The following UNC5D variants were observed in gnomAD, a reference collection of about 807,000 sequenced individuals.
The protein encoded by UNC5D is unc-5 netrin receptor D, also known as netrin receptor UNC5D.
Under a neutral mutation model 105.4 loss-of-function variants are expected in UNC5D, and 39 were observed. The ratio of observed to expected loss-of-function variants is 0.37; its 90% CI spans 0.29 to 0.48. The LOEUF is 0.48. Ranked by LOEUF, UNC5D falls within the 20% of genes least tolerant of loss-of-function variation. The pLI, the probability that UNC5D is intolerant of heterozygous loss-of-function variation, is 0.98. For synonymous variants in UNC5D, 452 were observed against 450.4 expected (o/e 1.00, Z -0.04); for missense variants, 991 against 1,202.4 (o/e 0.82, Z 2.60).
chr8:35,673,014 T>TTCTG (rs1824929815), intron 4 of UNC5D, among the ~76,000 whole-genome samples: 2 of 152,186 alleles, frequency 1.3e-5, no homozygotes, highest in South Asian at 4.1e-4. Context: ...GTGAGTGTGA[T>TTCTG]TCTGTCTGTG....
At chr8:35,267,947 C>A (rs1057340284) in intron 1 of UNC5D, among the ~76,000 whole-genome samples, 2 of 152,112 alleles carry the variant, frequency 1.3e-5, no homozygotes, top group African/African-American at 4.8e-5. Flanking sequence ...AAAACTACAT[C>A]TGATGTTTCT....
chr8:35,551,431 G>A (rs2978405), intron 2 of UNC5D, among the ~76,000 whole-genome samples: 12,757 of 152,210 alleles, frequency 0.084, 761 homozygotes, highest in Non-Finnish European at 0.12. Context: ...AGTTGTTAGA[G>A]AGGAAGGGTC....
intron 3 of UNC5D, among the ~76,000 whole-genome samples, chr8:35,591,670 C>T (rs1586199689): frequency 6.6e-6 from 1 of 152,084 alleles, no homozygotes; most frequent in Non-Finnish European, 1.5e-5. Context: ...GTCACTTTAT[C>T]ACTTTCCCCT....
intron 4 of UNC5D, among the ~76,000 whole-genome samples, chr8:35,677,885 AGTGTCT>A (rs1825361644): frequency 1.7e-5 from 2 of 119,798 alleles, no homozygotes; most frequent in Admixed American, 1.6e-4. Context: ...AGGGTGTGTG[AGTGTCT>A]GTGTGTGTGT....
At chr8:35,705,694 A>G (rs1159304117) in intron 7 of UNC5D, among the ~76,000 whole-genome samples, 3 of 152,220 alleles carry the variant, frequency 2.0e-5, no homozygotes, top group African/African-American at 7.2e-5. Flanking sequence ...TAAACCCACA[A>G]GAAAATAAAT....
At chr8:35,274,395 G>A (rs1183508211) in intron 1 of UNC5D, among the ~76,000 whole-genome samples, 2 of 152,194 alleles carry the variant, frequency 1.3e-5, no homozygotes, top group Non-Finnish European at 2.9e-5. Context: ...TCAAAAGGGA[G>A]AGAAAATAAT....
At chr8:35,347,403 C>T (rs905515840) in intron 1 of UNC5D, among the ~76,000 whole-genome samples, 6 of 151,968 alleles carry the variant, frequency 3.9e-5, no homozygotes, top group African/African-American at 1.4e-4. Context: ...CACCCTTCAT[C>T]TTTAGTCTAT....
At chr8:35,569,147 A>G (rs1245454445) in intron 3 of UNC5D, among the ~76,000 whole-genome samples, 1 of 152,036 alleles carries the variant, frequency 6.6e-6, no homozygotes, top group Non-Finnish European at 1.5e-5. Context: ...ATATTTCAGC[A>G]TCAGTGTTTT....
At chr8:35,364,571 G>T (rs573935765) in intron 1 of UNC5D, among the ~76,000 whole-genome samples, 1 of 152,096 alleles carries the variant, frequency 6.6e-6, no homozygotes, top group East Asian at 1.9e-4. Flanking sequence ...GGGGAGTAAG[G>T]CATGTTATTG....
intron 1 of UNC5D, among the ~76,000 whole-genome samples, chr8:35,437,015 T>TC (rs1185142675): frequency 6.6e-6 from 1 of 151,928 alleles, no homozygotes; most frequent in African/African-American, 2.4e-5. Flanking sequence ...ATTTTTTTTT[T>TC]CATTGAGACA....
At chr8:35,328,253 G>A (rs1810327171) in intron 1 of UNC5D, among the ~76,000 whole-genome samples, 1 of 150,540 alleles carries the variant, frequency 6.6e-6, no homozygotes, top group African/African-American at 2.4e-5. Context: ...TTTGCCTAAT[G>A]CTGTATTAGA....
At chr8:35,416,025 T>C (rs755636922) in intron 1 of UNC5D, among the ~76,000 whole-genome samples, 1 of 152,108 alleles carries the variant, frequency 6.6e-6, no homozygotes, top group Non-Finnish European at 1.5e-5. Flanking sequence ...CATTCCAAGG[T>C]ACCAAGAAGG....
intron 12 of UNC5D, among the ~76,000 whole-genome samples, chr8:35,749,671 T>C (rs1180168507): frequency 1.3e-5 from 2 of 152,202 alleles, no homozygotes; most frequent in African/African-American, 4.8e-5. Flanking sequence ...TGAAGTTCCA[T>C]GGGTTTCCTA....
At chr8:35,472,731 G>A (rs1809821158) in intron 1 of UNC5D, among the ~76,000 whole-genome samples, 1 of 152,162 alleles carries the variant, frequency 6.6e-6, no homozygotes, top group African/African-American at 2.4e-5. Context: ...GAGGAAAAGT[G>A]AGTTACTTAA....
At position 35,555,875 on chromosome 8, in the gene UNC5D, G is replaced by GCA. The variant is rs56788274; in HGVS notation, c.322+6414_322+6415dup. On this transcript the variant is annotated intron_variant, in intron 2 of 16. Coordinates refer to ENST00000404895, the MANE Select transcript of UNC5D (RefSeq NM_080872.4). ...AATTATAAAGATCTATAAAAAAACAGCACACACACACACACACACACACAC... is the reference window on the plus strand; with the variant it reads ...AATTATAAAGATCTATAAAAAAACAGCACACACACACACACACACACACACAC... Among the ~76,000 whole-genome samples, 1,243 of 134,164 alleles carry GCA rather than the reference G, an allele frequency of 9.3e-3. 10 individuals are homozygous for GCA. Among genetic ancestry groups the GCA allele is most frequent in the Non-Finnish European group, 0.011 (694 of 63,036 alleles). 88.0% of individuals were successfully genotyped at this position (134,164 alleles called of 152,430 possible).
At position 35,397,146 on chromosome 8, in the gene UNC5D, T is replaced by C. The variant is rs145186504; in HGVS notation, c.104-152146T>C. The stretch of plus-strand genomic sequence containing the variant: ...GTCTTGAACTCCTGACCTCAGGTGA[T>C]GTGCCAGCCTTGGTCTCCCAAAGTG... On this transcript the variant is annotated intron_variant, in intron 1 of 16. Transcript: ENST00000404895. 7.7e-3 allele frequency among the ~76,000 whole-genome samples: 1,168 copies of C among 152,284 alleles called. 7 individuals carry two copies. Among genetic ancestry groups the C allele is most frequent in the Non-Finnish European group, 0.012 (824 of 68,022 alleles).
rs6999069 is a variant in UNC5D at position 35,728,919 on chromosome 8, T to C, written c.1682-2093T>C. On this transcript the variant is annotated intron_variant, in intron 10 of 16. Transcript: ENST00000404895. ...ATGACATATTGAAGTGAATTCTACT[T>C]TAGAGGATCACAGGCATAAAGCTGT... is the stretch of plus-strand genomic sequence containing the variant. 2.3e-3 allele frequency among the ~76,000 whole-genome samples: 344 copies of C among 152,280 alleles called. 2 individuals carry two copies. The highest frequency in any genetic ancestry group is 8.0e-3 in the African/African-American group (333 of 41,568).
intron 1 of UNC5D, among the ~76,000 whole-genome samples, chr8:35,241,124 G>T (rs1296679352): frequency 6.6e-6 from 1 of 152,196 alleles, no homozygotes; most frequent in Non-Finnish European, 1.5e-5. Context: ...TGTTTCTGCT[G>T]TTTTGGGTAC....
Position 35,327,702 on chromosome 8 carries a change from G to A in UNC5D, c.103+91815G>A, listed in dbSNP as rs145918916. On this transcript the variant is annotated intron_variant, in intron 1 of 16. Transcript: ENST00000404895. ...CAACTGCTCTTTCCGACCCTGGCAC[G>A]GTCTGCAGTTGTAGAGCTGTGACTC... Among the ~76,000 whole-genome samples, 411 of 152,286 alleles carry A rather than the reference G, an allele frequency of 2.7e-3. 2 individuals carry two copies. The highest frequency in any genetic ancestry group is 9.2e-3 in the African/African-American group (384 of 41,542).
Sources: allele counts gnomAD v4.1 joint callset (sites outside exome capture counted in the v4.1 genomes callset), GRCh38; gene constraint gnomAD v4.1.1; transcripts MANE v1.5; gene names NCBI Gene and HGNC (gene_info 2026-07-23, HGNC 2026-07-21).